The following PCLO variants were observed in gnomAD, a reference collection of about 807,000 sequenced individuals.
PCLO encodes piccolo presynaptic cytomatrix protein, also known as protein piccolo.
In PCLO, 82 loss-of-function variants were observed where a neutral mutation model predicts 427.5. That is an observed-to-expected ratio of 0.19 (90% CI 0.16 to 0.23). The LOEUF is 0.23. Ranked by LOEUF, PCLO falls within the 10% of genes least tolerant of loss-of-function variation. PCLO has a pLI of 1.00. For missense variants in PCLO, 6,239 were observed against 6,115.9 expected, an observed-to-expected ratio of 1.02 and a Z score of -0.67; for synonymous variants, 2,357 against 2,155.4, an observed-to-expected ratio of 1.09 and a Z score of -2.59.
intron 9 of PCLO, among the ~76,000 whole-genome samples, chr7:82,895,100 A>G (rs2116147985): frequency 6.6e-6 from 1 of 152,194 alleles, no homozygotes; most frequent in South Asian, 2.1e-4. Context: ...TGCAAATCTG[A>G]ATGAAGTCAA....
In PCLO at chr7:83,135,620, T is replaced by C; in HGVS notation, c.1930A>G (p.Arg644Gly). 6.2e-7 allele frequency: 1 copy of C among 1,609,478 alleles called. No individual in the cohort carries two copies. Among genetic ancestry groups the C allele is most frequent in the Non-Finnish European group, 8.5e-7 (1 of 1,177,614 alleles). The change falls in exon 3 of 25, where the codon AGA becomes GGA. Residue 644 changes from arginine to glycine, a missense_variant. Arg to Gly is a moderately radical substitution (Grantham distance 125). Transcript: ENST00000333891. ...GGAGCCAGATCCCCGCCTAGAGCTC[T>C]TTTCATTTGACAGTTCAAACAGAGC... Reference protein sequence around the residue: ...EWLCLNCQMKRALGGDLAPVP... With the variant: ...EWLCLNCQMKGALGGDLAPVP...
chr7:82,947,694 G>C (rs1485031788), intron 6 of PCLO, among the ~76,000 whole-genome samples: 4 of 152,092 alleles, frequency 2.6e-5, no homozygotes, highest in African/African-American at 4.8e-5. Flanking sequence ...ATTGTGCTTT[G>C]AGGCTCAAAA....
chr7:83,154,090 T>C (rs918125448), intron 2 of PCLO, among the ~76,000 whole-genome samples: 1 of 152,184 alleles, frequency 6.6e-6, no homozygotes, highest in African/African-American at 2.4e-5. Context: ...CAGAAAGTAT[T>C]ACCCAGCTAA....
At chr7:82,986,115 G>A (rs1361475624) in intron 3 of PCLO, among the ~76,000 whole-genome samples, 7 of 151,730 alleles carry the variant, frequency 4.6e-5, no homozygotes, top group African/African-American at 1.7e-4. Flanking sequence ...TCATGAATGA[G>A]GTTATGACTA....
chr7:83,053,836 C>A (rs967319293), intron 3 of PCLO, among the ~76,000 whole-genome samples: 8 of 151,786 alleles, frequency 5.3e-5, no homozygotes, highest in African/African-American at 1.9e-4. Flanking sequence ...TATTTATACA[C>A]CCCAGAGGAA....
At chr7:83,057,336 ATATATATATATATTTTTTTTTT>A (rs1382275557) in intron 3 of PCLO, among the ~76,000 whole-genome samples, 1 of 17,318 alleles carries the variant, frequency 5.8e-5, no homozygotes, top group African/African-American at 2.2e-4. Flanking sequence ...ATATATATAT[ATATATATATATATTTTTTTTTT>A]TTTTTTTTTT....
rs1562932883 is a variant in PCLO at position 83,038,020 on chromosome 7, TA to T, written c.3301-71534del. Among the ~76,000 whole-genome samples, 9 of 56,196 alleles carry T rather than the reference TA, an allele frequency of 1.6e-4. 1 individual carries two copies. Among genetic ancestry groups the T allele is most frequent in the African/African-American group, 6.8e-4 (6 of 8,778 alleles). 36.9% of individuals were successfully genotyped at this position (56,196 alleles called of 152,430 possible). A position where few individuals can be genotyped will look rare whatever the true frequency, so the allele number is the denominator to read the frequency against. ...ATATATATATATATATATATATATA[TA>T]TATATATATTTATATATTTATATAT... On this transcript the variant is annotated intron_variant, in intron 3 of 24. Transcript: ENST00000333891.
intron 6 of PCLO, 23 bp downstream of exon 6, chr7:82,949,453 C>A: frequency 6.6e-7 from 1 of 1,520,562 alleles, no homozygotes; most frequent in South Asian, 1.3e-5. Context: ...CATTGCCTTC[C>A]AACTGAAAAG....
chr7:83,122,048 A>C (rs1376616812), intron 3 of PCLO, among the ~76,000 whole-genome samples: 3 of 152,198 alleles, frequency 2.0e-5, no homozygotes, highest in Admixed American at 6.5e-5. Context: ...ACAGAAAGAA[A>C]GACAAAACCA....
chr7:83,109,854 C>G (rs1790958543), intron 3 of PCLO, among the ~76,000 whole-genome samples: 1 of 151,588 alleles, frequency 6.6e-6, no homozygotes, highest in South Asian at 2.1e-4. Context: ...AAATAATAAT[C>G]AGCTATTATT....
intron 2 of PCLO, among the ~76,000 whole-genome samples, chr7:83,152,987 T>C (rs1040629654): frequency 1.3e-5 from 2 of 152,104 alleles, no homozygotes; most frequent in African/African-American, 2.4e-5. Context: ...AAATAACATA[T>C]ACAGCTTAAA....
Position 83,054,442 on chromosome 7 carries a change from C to T in PCLO, c.3300+79808G>A, listed in dbSNP as rs1042372318. ...TAATTTTTCACAGTATCACTTTCTC[C>T]AAGATTATAGCATTGTTTGAATATT... On this transcript the variant is annotated intron_variant, in intron 3 of 24. Transcript: ENST00000333891. 3.3e-5 allele frequency among the ~76,000 whole-genome samples: 5 copies of T among 152,050 alleles called. No homozygotes were observed. The South Asian group carries it at 1.0e-3, about 32-fold the overall frequency.
intron 9 of PCLO, among the ~76,000 whole-genome samples, chr7:82,888,724 GC>G (rs1380093004): frequency 6.6e-6 from 1 of 151,896 alleles, no homozygotes; most frequent in African/African-American, 2.4e-5. Context: ...ACATATTCTG[GC>G]CCTAGCTTTG....
In PCLO at chr7:82,951,098, T is replaced by C. The variant is rs762636906; in HGVS notation, c.9490A>G (p.Ser3164Gly). 3 of 1,613,828 alleles carry C rather than the reference T, an allele frequency of 1.9e-6. No homozygotes were observed. The South Asian group carries it at 3.3e-5, about 18-fold the overall frequency. The change falls in exon 6 of 25, where the codon AGT becomes GGT. Residue 3164 changes from serine to glycine, a missense_variant. Ser to Gly is a moderately conservative substitution (Grantham distance 56, BLOSUM62 0). This residue lies in a region of PCLO where 4,677 missense variants were observed against 4,468.4 expected (regional missense o/e 1.05). Coordinates refer to ENST00000333891, the MANE Select transcript of PCLO (RefSeq NM_033026.6). The part of the protein sequence containing the change: ...IAVTGIDISA[S>G]LQTITMESLT... ...GACTCCATAGTAATAGTTTGCAAAC[T>C]GGCACTGATATCAATACCAGTTACT...
At chr7:82,771,948 T>G (rs1018352747) in intron 22 of PCLO, among the ~76,000 whole-genome samples, 4 of 152,124 alleles carry the variant, frequency 2.6e-5, no homozygotes, top group Non-Finnish European at 4.4e-5. Flanking sequence ...CATACTTTTT[T>G]TTTGTTTGTT....
rs567351917 is a variant in PCLO, at chr7:82,832,117, T to C, written c.14249+3550A>G. ...CATTAATGATTTAACATTAGGACAA[T>C]TAGGACAATTATATCTAATAATTAA... On this transcript the variant is annotated intron_variant, in intron 16 of 24. Transcript: ENST00000333891. Among the ~76,000 whole-genome samples, 20 of 152,192 alleles carry C rather than the reference T, an allele frequency of 1.3e-4. No homozygotes were observed. The South Asian group carries it at 4.1e-3, about 32-fold the overall frequency.
In PCLO at chr7:82,952,721, ACATTT is replaced by A; in HGVS notation, c.8227_8231del (p.Lys2743TyrfsTer2). ...CCATTGTAGAAGCAGAAAGATCAAT[ACATTT>A]ATCAGTTGTTTTAACTTCTACCTTT... On this transcript the variant is annotated frameshift_variant, in exon 5 of 25. Coordinates refer to ENST00000333891, the MANE Select transcript of PCLO (RefSeq NM_033026.6). LOFTEE classifies it high-confidence loss of function. The A allele has an allele frequency of 6.2e-7, 1 of 1,613,722 alleles. No homozygotes were observed.
intron 20 of PCLO, among the ~76,000 whole-genome samples, chr7:82,806,506 G>A (rs1583994895): frequency 6.6e-6 from 1 of 152,208 alleles, no homozygotes; most frequent in Non-Finnish European, 1.5e-5. Flanking sequence ...TTACAAATTT[G>A]TGCAATAAAT....
chr7:82,959,211 C>T (rs1453275103), intron 4 of PCLO, among the ~76,000 whole-genome samples: 1 of 152,074 alleles, frequency 6.6e-6, no homozygotes, highest in South Asian at 2.1e-4. Context: ...GGATTACAGG[C>T]ATGTGCCACC....
Sources: allele counts gnomAD v4.1 joint callset (sites outside exome capture counted in the v4.1 genomes callset), GRCh38; gene constraint gnomAD v4.1.1; regional missense constraint gnomAD v4.1.1; transcripts MANE v1.5; gene names NCBI Gene and HGNC (gene_info 2026-07-23, HGNC 2026-07-21).